The following CENPC variants were observed in gnomAD, a reference collection of about 807,000 sequenced individuals.
CENPC encodes the protein CENP-C 1.
A neutral mutation model predicts 112.1 loss-of-function variants in CENPC; 63 were observed. The observed-to-expected ratio is 0.56, with a 90% CI of 0.46 to 0.69. The LOEUF is 0.69. CENPC is among the 30% of genes least tolerant of loss of function. The probability of loss-of-function intolerance (pLI) is 0.00; values close to 1 mark genes in which losing one functional copy is unlikely to be tolerated. For missense variants in CENPC, 1,000 were observed against 1,103.8 expected (o/e 0.91, Z 1.33); for synonymous variants, 333 against 367.6 (o/e 0.91, Z 1.08).
In CENPC at chr4:67,506,949, AATGT is replaced by A; in HGVS notation, c.1905-19_1905-16del. The A allele has an allele frequency of 6.3e-7, 1 of 1,587,218 alleles. No homozygotes were observed. Among genetic ancestry groups the A allele is most frequent in the African/African-American group, 1.4e-5 (1 of 73,722 alleles). ...TTCTTGTAGATCTATAAAAATGATA[AATGT>A]ATGAGTGTTTATACTTCTTCAAAAT... On this transcript the variant is annotated splice_polypyrimidine_tract_variant and intron_variant, in intron 10 of 18. Coordinates refer to ENST00000273853, the MANE Select transcript of CENPC (RefSeq NM_001812.4).
chr4:67,477,928 T>C (rs1364602178), intron 17 of CENPC, among the ~76,000 whole-genome samples: 1 of 151,202 alleles, frequency 6.6e-6, no homozygotes, highest in Admixed American at 6.6e-5. Flanking sequence ...GTTTTAACAA[T>C]AGAATCGAAC....
intron 4 of CENPC, among the ~76,000 whole-genome samples, chr4:67,539,371 G>A (rs1726817796): frequency 6.6e-6 from 1 of 152,060 alleles, no homozygotes; most frequent in African/African-American, 2.4e-5. Context: ...CCTTAGATTA[G>A]CTTCAAATAC....
chr4:67,540,037 C>T (rs1219865434), intron 3 of CENPC, 103 bp from the exon 4 acceptor site: 1 of 548,146 alleles, frequency 1.8e-6, no homozygotes, highest in African/African-American at 2.0e-5. Flanking sequence ...CATCTGTTGA[C>T]TCACTGACCA....
chr4:67,479,526 A>G (rs1360284307), intron 17 of CENPC, among the ~76,000 whole-genome samples: 1 of 152,208 alleles, frequency 6.6e-6, no homozygotes, highest in Non-Finnish European at 1.5e-5. Context: ...TGAACTGAAC[A>G]ATAATAGTGA....
rs1196750361 is a variant in CENPC, at chr4:67,541,013, G to A, written c.103C>T (p.Leu35=). The A allele has an allele frequency of 1.2e-6, 2 of 1,609,904 alleles. No homozygotes were observed. Among genetic ancestry groups the A allele is most frequent in the Non-Finnish European group, 1.7e-6 (2 of 1,178,052 alleles). The part of the protein sequence containing the change: ...DINTEQGQNV[L]EILQDCFEEK... ...TCAAAACAGTCTTGTAAGATTTCCA[G>A]AACATTCTGGCCTTGCTCTGTGTTA... is the stretch of plus-strand genomic sequence containing the variant. Residue 35 remains leucine (L), a synonymous_variant, in exon 3 of 19, where the codon CTG becomes TTG. Transcript: ENST00000273853.
At chr4:67,491,480 T>TATATATAGAGAGAGAG (rs1725270093) in intron 16 of CENPC, among the ~76,000 whole-genome samples, 4 of 18,102 alleles carry the variant, frequency 2.2e-4, no homozygotes, top group African/African-American at 3.5e-4. Flanking sequence ...TATATATATA[T>TATATATAGAGAGAGAG]AGAGAGAGAG....
In CENPC at chr4:67,490,032, T is replaced by C. The variant is rs1192381999; in HGVS notation, c.2605A>G (p.Thr869Ala). The change falls in exon 17 of 19, where the codon ACT becomes GCT. Residue 869 changes from threonine to alanine, a missense_variant. Transcript: ENST00000273853. ...TGTGGTCCTAATATCAATTTCCCAGTAGAAAAAAAGGGTGTATCCAATGTC... is the reference window on the plus strand; with the variant it reads ...TGTGGTCCTAATATCAATTTCCCAGCAGAAAAAAAGGGTGTATCCAATGTC... ...YKTLDTPFFS[T>A]GKLILGPQEE... The C allele has an allele frequency of 1.9e-6, 3 of 1,605,758 alleles. No individual in the cohort carries two copies. The highest frequency in any genetic ancestry group is 2.7e-5 in the African/African-American group (2 of 74,592).
At chr4:67,475,081 G>A (rs1300631747) in intron 17 of CENPC, 103 bp from the exon 18 acceptor site, 2 of 662,024 alleles carry the variant, frequency 3.0e-6, no homozygotes, top group Non-Finnish European at 5.2e-6. Flanking sequence ...CCACAAATGT[G>A]CTGGCTTTAA....
At position 67,506,861 on chromosome 4, in the gene CENPC, C is replaced by T; in HGVS notation, c.1978G>A (p.Gly660Arg). Residue 660 changes from glycine (G) to arginine (R), a missense_variant, in exon 11 of 19, where the codon GGA becomes AGA. Coordinates refer to ENST00000273853, the MANE Select transcript of CENPC (RefSeq NM_001812.4). ...TCTGTTGGTATATTACATGTATATC[C>T]ACTGGTCTGAGGCTTTAGGGGAACA... Reference protein sequence around the residue: ...QNVPLKPQTSGYTCNIPTESN... With the variant: ...QNVPLKPQTSRYTCNIPTESN... The T allele has an allele frequency of 6.2e-7, 1 of 1,612,228 alleles. No homozygotes were observed. The highest frequency in any genetic ancestry group is 8.5e-7 in the Non-Finnish European group (1 of 1,178,824).
At chr4:67,491,458 TATATATATATATATATATATATAGAGAG>T in intron 16 of CENPC, among the ~76,000 whole-genome samples, 1 of 45,636 alleles carries the variant, frequency 2.2e-5, no homozygotes, top group African/African-American at 7.6e-5. Flanking sequence ...TATATATATA[TATATATATATATATATATATATAGAGAG>T]AGAGAGAGAG....
intron 5 of CENPC, among the ~76,000 whole-genome samples, chr4:67,522,966 C>T (rs1726270239): frequency 6.6e-6 from 1 of 151,532 alleles, no homozygotes; most frequent in African/African-American, 2.4e-5. Context: ...TGCCATTGCA[C>T]TCCAGCCTGG....
At chr4:67,536,276 T>C (rs1726715867) in intron 4 of CENPC, among the ~76,000 whole-genome samples, 1 of 151,966 alleles carries the variant, frequency 6.6e-6, no homozygotes, top group Non-Finnish European at 1.5e-5. Flanking sequence ...AAAAGAAATA[T>C]AAAAAATGCA....
rs1560423071 is a variant in CENPC at position 67,491,445 on chromosome 4, T to TGA, written c.2515+734_2515+735insTC. 5.0e-3 allele frequency among the ~76,000 whole-genome samples: 320 copies of TGA among 64,084 alleles called. 6 individuals are homozygous for TGA. The highest frequency in any genetic ancestry group is 6.8e-3 in the Middle Eastern group (1 of 146). 42.0% of individuals were successfully genotyped at this position (64,084 alleles called of 152,430 possible). A position where few individuals can be genotyped will look rare whatever the true frequency, so the allele number is the denominator to read the frequency against. Reference sequence around the variant, plus strand: ...ACAGTTGTTAATATATTTAAATATTTCATATATATATATATATATATATAT... The same window carrying TGA: ...ACAGTTGTTAATATATTTAAATATTTGACATATATATATATATATATATATAT... On this transcript the variant is annotated intron_variant, in intron 16 of 18. Coordinates refer to ENST00000273853, the MANE Select transcript of CENPC (RefSeq NM_001812.4).
chr4:67,486,330 T>C lies in CENPC; in HGVS notation c.2670+3637A>G, dbSNP rs149855130. ...TAATTCATCTGCAAATATTTCAGTA[T>C]GTACTGAAAGATCAAGTGCTTCTAA... On this transcript the variant is annotated intron_variant, in intron 17 of 18. Transcript: ENST00000273853. Among the ~76,000 whole-genome samples the C allele has an allele frequency of 5.0e-3, 758 of 152,320 alleles. 2 individuals carry two copies. The highest frequency in any genetic ancestry group is 8.0e-3 in the Non-Finnish European group (542 of 68,020).
intron 4 of CENPC, among the ~76,000 whole-genome samples, chr4:67,538,869 A>AT (rs1346049675): frequency 1.3e-5 from 2 of 152,168 alleles, no homozygotes; most frequent in African/African-American, 2.4e-5. Flanking sequence ...CACAGACTAT[A>AT]TTTTGCTAGT....
chr4:67,527,456 C>A (rs910477150), intron 5 of CENPC, among the ~76,000 whole-genome samples: 1 of 140,560 alleles, frequency 7.1e-6, no homozygotes, highest in African/African-American at 2.6e-5. Context: ...CAAATGTTTT[C>A]TAAGAGCAGG....
At chr4:67,516,559 A>G (rs899749625) in intron 7 of CENPC, among the ~76,000 whole-genome samples, 8 of 151,996 alleles carry the variant, frequency 5.3e-5, no homozygotes, top group Admixed American at 1.3e-4. Context: ...CAAATCTTAT[A>G]ATGTAAAATA....
rs558354275 is a variant in CENPC at position 67,519,543 on chromosome 4, A to C, written c.332-41T>G. 3.9e-6 allele frequency: 5 copies of C among 1,272,846 alleles called. No homozygotes were observed. In the African/African-American group the frequency reaches 7.5e-5, roughly 19 times the overall value. 78.8% of individuals were successfully genotyped at this position (1,272,846 alleles called of 1,614,324 possible). On this transcript the variant is annotated intron_variant, in intron 5 of 18. Transcript: ENST00000273853. ...ATAAAGATATTTGTCAATTAAAAGAATAATAAGAGAATCAAGCAGGCTTTT... is the reference window on the plus strand; with the variant it reads ...ATAAAGATATTTGTCAATTAAAAGACTAATAAGAGAATCAAGCAGGCTTTT...
intron 4 of CENPC, among the ~76,000 whole-genome samples, chr4:67,531,923 C>T (rs1726562571): frequency 6.6e-6 from 1 of 152,094 alleles, no homozygotes; most frequent in Non-Finnish European, 1.5e-5. Context: ...AGAGCTTTTG[C>T]ACAGCAAAAT....
Sources: allele counts gnomAD v4.1 joint callset (sites outside exome capture counted in the v4.1 genomes callset), GRCh38; gene constraint gnomAD v4.1.1; transcripts MANE v1.5; gene names NCBI Gene and HGNC (gene_info 2026-07-23, HGNC 2026-07-21).